Variants in TIMM50 observed in about 807,000 individuals in gnomAD.
The protein encoded by TIMM50 is translocase of inner mitochondrial membrane 50, also known as mitochondrial import inner membrane translocase subunit TIM50.
A neutral mutation model predicts 49.6 loss-of-function variants in TIMM50; 34 were observed. That is an observed-to-expected ratio of 0.69 (90% CI 0.52 to 0.91). The LOEUF is 0.91. TIMM50 is among the 40% of genes least tolerant of loss of function. The probability of loss-of-function intolerance (pLI) is 0.00; values close to 1 mark genes in which losing one functional copy is unlikely to be tolerated. For missense variants in TIMM50, 458 were observed against 477.8 expected (o/e 0.96, Z 0.39); for synonymous variants, 199 against 198.4 (o/e 1.00, Z -0.03).
In TIMM50 at chr19:39,481,880, C is replaced by T. The variant is rs1421080902; in HGVS notation, c.109-3C>T. 1 of 1,611,424 alleles carries T rather than the reference C, an allele frequency of 6.2e-7. No individual in the cohort carries two copies. The highest frequency in any genetic ancestry group is 1.7e-5 in the Admixed American group (1 of 59,976). On this transcript the variant is annotated splice_polypyrimidine_tract_variant and splice_region_variant and intron_variant, in intron 1 of 10. Transcript: ENST00000607714. The stretch of plus-strand genomic sequence containing the variant: ...TGGCTGACCTCCCCTTTCTCAACCG[C>T]AGGCCGCAGAGATCGGGAGCCGCGG...
In TIMM50 at chr19:39,485,050, G is replaced by A. The variant is rs1032675105; in HGVS notation, c.314-494G>A. The A allele has an allele frequency of 1.5e-4, 24 of 163,268 alleles. No homozygotes were observed. The South Asian group carries it at 1.6e-3, about 11-fold the overall frequency. 10.1% of individuals were successfully genotyped at this position (163,268 alleles called of 1,614,324 possible). A position where few individuals can be genotyped will look rare whatever the true frequency, so the allele number is the denominator to read the frequency against. ...CGGCTCGCTGCAACCTCCACCTCCCGGGTTCAAGTGATTCTCTTGCCTCAG... is the reference window on the plus strand; with the variant it reads ...CGGCTCGCTGCAACCTCCACCTCCCAGGTTCAAGTGATTCTCTTGCCTCAG... On this transcript the variant is annotated intron_variant, in intron 4 of 10. Coordinates refer to ENST00000607714, the MANE Select transcript of TIMM50 (RefSeq NM_001001563.5).
At position 39,489,755 on chromosome 19, in the gene TIMM50, A is replaced by G; in HGVS notation, c.997A>G (p.Asn333Asp). Residue 333 changes from asparagine to aspartate, a missense_variant, in exon 11 of 11, where the codon AAC becomes GAC. By Grantham distance (23) the Asn-to-Asp change is conservative (BLOSUM62 1). Transcript: ENST00000607714. ...GCGCCTGGCCGAGCTCTCCAAGTCC[A>G]ACAAGCAGAACCTCTTCCTTGGCTC... ...QQRLAELSKS[N>D]KQNLFLGSLT... 6.8e-6 allele frequency: 11 copies of G among 1,612,402 alleles called. No homozygotes were observed. Among genetic ancestry groups the G allele is most frequent in the Non-Finnish European group, 9.3e-6 (11 of 1,179,438 alleles).
In TIMM50 at chr19:39,485,537, C is replaced by G. The variant is rs2079498875; in HGVS notation, c.314-7C>G. 6.2e-7 allele frequency: 1 copy of G among 1,613,946 alleles called. No individual in the cohort carries two copies. The highest frequency in any genetic ancestry group is 8.5e-7 in the Non-Finnish European group (1 of 1,180,006). Reference sequence around the variant, plus strand: ...GTGGAATCTCTTTGTGCCTGGTGTTCTCCTAGATCCAATTCTGGTACAGCA... The same window carrying G: ...GTGGAATCTCTTTGTGCCTGGTGTTGTCCTAGATCCAATTCTGGTACAGCA... On this transcript the variant is annotated splice_polypyrimidine_tract_variant and splice_region_variant and intron_variant, in intron 4 of 10. Coordinates refer to ENST00000607714, the MANE Select transcript of TIMM50 (RefSeq NM_001001563.5).
chr19:39,482,716 C>T (rs2079480695), intron 2 of TIMM50, among the ~76,000 whole-genome samples, 169 bp from the exon 3 acceptor site: 1 of 151,970 alleles, frequency 6.6e-6, no homozygotes, highest in Non-Finnish European at 1.5e-5. Flanking sequence ...CCCCATTTCT[C>T]TCAAAGACCC....
chr19:39,484,478 G>A (rs981182622), intron 4 of TIMM50, among the ~76,000 whole-genome samples: 3 of 152,074 alleles, frequency 2.0e-5, no homozygotes, highest in Non-Finnish European at 4.4e-5. Context: ...TTTCACCCTT[G>A]GCCCTATTGA....
intron 6 of TIMM50, 55 bp downstream of exon 6, chr19:39,485,862 A>T: frequency 6.2e-7 from 1 of 1,607,060 alleles, no homozygotes. Flanking sequence ...TGGGGTTGTG[A>T]TGAGGTGGAC....
At chr19:39,483,333 C>G (rs972956882) in intron 4 of TIMM50, 177 bp downstream of exon 4, 46 of 751,016 alleles carry the variant, frequency 6.1e-5, no homozygotes, top group Non-Finnish European at 9.0e-5. Flanking sequence ...GCCCACTTCC[C>G]TGGCCCCTCA....
intron 8 of TIMM50, among the ~76,000 whole-genome samples, chr19:39,487,139 C>T (rs1036409316): frequency 1.1e-4 from 17 of 152,330 alleles, no homozygotes; most frequent in African/African-American, 3.6e-4. Context: ...CAACATACCA[C>T]AGTCACCTGG....
chr19:39,484,961 GTTTT>G (rs368481831), intron 4 of TIMM50: 1 of 147,970 alleles, frequency 6.8e-6, no homozygotes, highest in African/African-American at 2.5e-5. Context: ...GTTTTGTTTT[GTTTT>G]TTTTTTTTCT....
intron 6 of TIMM50, 95 bp from the exon 7 acceptor site, chr19:39,486,092 C>T (rs1242424387): frequency 4.6e-6 from 6 of 1,312,968 alleles, no homozygotes; most frequent in Non-Finnish European, 6.6e-6. Flanking sequence ...GGAGAGAACT[C>T]TGTTCTGGGA....
At chr19:39,482,770 G>C in intron 2 of TIMM50, 115 bp from the exon 3 acceptor site, 1 of 1,417,098 alleles carries the variant, frequency 7.1e-7, no homozygotes, top group Non-Finnish European at 9.9e-7. Context: ...ACTCCAGGAG[G>C]CTGTGCCTCT....
At position 39,485,949 on chromosome 19, in the gene TIMM50, A is replaced by G. The variant is rs982084633; in HGVS notation, c.492+142A>G. The G allele has an allele frequency of 3.7e-6, 5 of 1,339,230 alleles. No individual in the cohort carries two copies. In the African/African-American group the frequency reaches 7.2e-5, roughly 19 times the overall value. 83.0% of individuals were successfully genotyped at this position (1,339,230 alleles called of 1,614,324 possible). ...TTGCCTCGCTTTCTTCAGCTGGGAG[A>G]AGGCAGTCATGCTAACACCCACTCT... On this transcript the variant is annotated intron_variant, in intron 6 of 10. Transcript: ENST00000607714.
At chr19:39,485,480 G>A in intron 4 of TIMM50, 64 bp from the exon 5 acceptor site, 1 of 1,602,250 alleles carries the variant, frequency 6.2e-7, no homozygotes, top group Non-Finnish European at 8.6e-7. Context: ...AGAAACCCCT[G>A]GTTTGTCTGG....
At chr19:39,485,326 GGATATAAGTA>G (rs2079497371) in intron 4 of TIMM50, 1 of 602,450 alleles carries the variant, frequency 1.7e-6, no homozygotes, top group Non-Finnish European at 2.9e-6. Context: ...GGTAGTATGT[GGATATAAGTA>G]TCAGCTTAAA....
intron 6 of TIMM50, 113 bp downstream of exon 6, chr19:39,485,920 G>A (rs952399244): frequency 1.7e-5 from 25 of 1,461,924 alleles, no homozygotes; most frequent in Non-Finnish European, 2.2e-5. Context: ...GATGTCACCT[G>A]TCATTGCCTC....
At chr19:39,483,787 G>GTTTTTAAAA (rs2079487643) in intron 4 of TIMM50, among the ~76,000 whole-genome samples, 1 of 152,180 alleles carries the variant, frequency 6.6e-6, no homozygotes, top group South Asian at 2.1e-4. Flanking sequence ...AAATTGGGCA[G>GTTTTTAAAA]GTACATCTGC....
chr19:39,487,465 A>T (rs192400947), intron 8 of TIMM50, among the ~76,000 whole-genome samples: 2,653 of 150,708 alleles, frequency 0.018, 41 homozygotes, highest in African/African-American at 0.037. Flanking sequence ...TTATTTATTT[A>T]TTTTTTTTGT....
In TIMM50 at chr19:39,493,262, T is replaced by G. The variant is rs1030109170; in HGVS notation, c.*3442T>G. The G allele has an allele frequency of 3.9e-5, 6 of 152,066 alleles. No individual in the cohort carries two copies. Among genetic ancestry groups the G allele is most frequent in the African/African-American group, 1.4e-4 (6 of 41,388 alleles). 9.4% of individuals were successfully genotyped at this position (152,066 alleles called of 1,614,324 possible). A position where few individuals can be genotyped will look rare whatever the true frequency, so the allele number is the denominator to read the frequency against. On this transcript the variant is annotated 3_prime_UTR_variant, in exon 11 of 11. Transcript: ENST00000607714. ...AGGGAGGGGACCTGTGCTTTTTTTT[T>G]TGTTTTTTTGAGATGGAGTCTCTGT...
At chr19:39,486,142 G>A (rs1438450036) in intron 6 of TIMM50, 45 bp from the exon 7 acceptor site, 2 of 1,586,332 alleles carry the variant, frequency 1.3e-6, no homozygotes, top group East Asian at 2.2e-5. Flanking sequence ...GGGACTCTGA[G>A]GACCTCTGGG....
Sources: allele counts gnomAD v4.1 joint callset (sites outside exome capture counted in the v4.1 genomes callset), GRCh38; gene constraint gnomAD v4.1.1; transcripts MANE v1.5; gene names NCBI Gene and HGNC (gene_info 2026-07-23, HGNC 2026-07-21).